GLIPR2: variants seen among roughly 807,000 people sequenced by gnomAD.
GLIPR2 encodes the protein GLI pathogenesis related 2.
GLIPR2 carries 21 observed loss-of-function variants against 20.4 expected under a neutral mutation model. That is an observed-to-expected ratio of 1.03 (90% CI 0.73 to 1.48). The LOEUF (loss-of-function observed/expected upper bound fraction) is 1.48, where lower values mean the gene tolerates loss of function less well. GLIPR2 is among the 40% of genes most tolerant of loss of function. GLIPR2 has a pLI of 0.00. For synonymous variants in GLIPR2, 91 were observed against 80.5 expected (o/e 1.13, Z -0.70); for missense variants, 205 against 200.1 (o/e 1.02, Z -0.15).
chr9:36,159,143 T>C (rs1487476601), intron 4 of GLIPR2, among the ~76,000 whole-genome samples: 2 of 152,150 alleles, frequency 1.3e-5, no homozygotes, highest in African/African-American at 4.8e-5. Context: ...GGGAGGAGAT[T>C]TGGAAGCTAA....
chr9:36,154,906 G>A (rs536981295), intron 4 of GLIPR2, among the ~76,000 whole-genome samples: 45 of 152,322 alleles, frequency 3.0e-4, no homozygotes, highest in African/African-American at 9.4e-4. Context: ...TGGGAGGGTC[G>A]ATGGCCCAAG....
At chr9:36,141,467 G>GT (rs55840524) in intron 1 of GLIPR2, among the ~76,000 whole-genome samples, 124,996 of 151,942 alleles carry the variant, frequency 0.82, 51,522 homozygotes, top group East Asian at 0.88. Context: ...GGGGGCAGGG[G>GT]GCCTGTTCAC....
At chr9:36,157,067 A>T (rs958462185) in intron 4 of GLIPR2, among the ~76,000 whole-genome samples, 1 of 151,820 alleles carries the variant, frequency 6.6e-6, no homozygotes, top group Non-Finnish European at 1.5e-5. Flanking sequence ...CCCGGGCTGG[A>T]GTGCAATGGC....
rs1298484045 is a variant in GLIPR2, at chr9:36,163,891, CTT to C, written c.*1373_*1374del. The stretch of plus-strand genomic sequence containing the variant: ...ATATTGACTAAGAAGACAATAAAAT[CTT>C]TTTCTTTGTGTAATAACCTCCTCCA... On this transcript the variant is annotated 3_prime_UTR_variant, in exon 5 of 5. Coordinates refer to ENST00000377960, the MANE Select transcript of GLIPR2 (RefSeq NM_022343.4). 1 of 152,700 alleles carries C rather than the reference CTT, an allele frequency of 6.5e-6. No individual in the cohort carries two copies. The highest frequency in any genetic ancestry group is 1.5e-5 in the Non-Finnish European group (1 of 68,048). The allele number at this position is 152,700 out of a possible 1,614,324, so 9.5% of individuals were successfully genotyped here.
In GLIPR2 at chr9:36,136,805, CTCGCCCGCTGCGGAATGGT is replaced by C. The variant is rs1824837562; in HGVS notation, c.13+18_13+36del. On this transcript the variant is annotated intron_variant, in intron 1 of 4. Transcript: ENST00000377960. The surrounding 1 kb of genome is among the most constrained non-coding windows in gnomAD (Gnocchi z 4.3). ...TGGGCAAGTCAGGTGAGCCCGCGGG[CTCGCCCGCTGCGGAATGGT>C]TCGGAACCCCGCGCTCCCGGACCTC... is the stretch of plus-strand genomic sequence containing the variant. 2 of 1,298,248 alleles carry C rather than the reference CTCGCCCGCTGCGGAATGGT, an allele frequency of 1.5e-6. No individual in the cohort carries two copies. Among genetic ancestry groups the C allele is most frequent in the African/African-American group, 3.1e-5 (2 of 64,782 alleles). The allele number at this position is 1,298,248 out of a possible 1,614,324, so 80.4% of individuals were successfully genotyped here. A position where few individuals can be genotyped will look rare whatever the true frequency, so the allele number is the denominator to read the frequency against.
intron 3 of GLIPR2, among the ~76,000 whole-genome samples, chr9:36,149,802 T>C (rs1161215700): frequency 1.3e-5 from 2 of 152,148 alleles, no homozygotes; most frequent in South Asian, 2.1e-4. Flanking sequence ...CCGAGGTGGG[T>C]GGATCACCTG....
intron 4 of GLIPR2, among the ~76,000 whole-genome samples, chr9:36,155,549 G>A (rs891488269): frequency 1.1e-4 from 17 of 152,094 alleles, no homozygotes; most frequent in Non-Finnish European, 1.8e-4. Context: ...ACATGAGATC[G>A]TGCCACTGCA....
chr9:36,145,414 C>T (rs1027099310), intron 1 of GLIPR2, among the ~76,000 whole-genome samples: 5 of 152,228 alleles, frequency 3.3e-5, no homozygotes, highest in African/African-American at 1.2e-4. Context: ...TGTCTGTTTA[C>T]AAGGCTGCCT....
intron 1 of GLIPR2, chr9:36,144,860 C>G (rs1264572281): frequency 6.6e-6 from 1 of 152,376 alleles, no homozygotes; most frequent in East Asian, 1.9e-4. Flanking sequence ...AGCCCCCAAA[C>G]CCCGCAAAGG....
At chr9:36,147,973 C>T in intron 2 of GLIPR2, 79 bp downstream of exon 2, 1 of 776,852 alleles carries the variant, frequency 1.3e-6, no homozygotes, top group Non-Finnish European at 2.4e-6. Flanking sequence ...TGTGGCCAGG[C>T]ACGATGGCTC....
At chr9:36,147,171 C>T (rs1416878369) in intron 1 of GLIPR2, among the ~76,000 whole-genome samples, 4 of 152,166 alleles carry the variant, frequency 2.6e-5, no homozygotes, top group African/African-American at 9.7e-5. Flanking sequence ...ACCTAAAACT[C>T]GCCCTCACAC....
At chr9:36,148,362 T>C (rs1487318175) in intron 2 of GLIPR2, among the ~76,000 whole-genome samples, 185 bp from the exon 3 acceptor site, 1 of 152,096 alleles carries the variant, frequency 6.6e-6, no homozygotes, top group Non-Finnish European at 1.5e-5. Context: ...TCCTTTTAGT[T>C]CCCCTGAGCC....
At chr9:36,156,813 G>A (rs1468533142) in intron 4 of GLIPR2, among the ~76,000 whole-genome samples, 3 of 152,122 alleles carry the variant, frequency 2.0e-5, no homozygotes, top group African/African-American at 4.8e-5. Context: ...GATCTGAGGT[G>A]GAACAGTTTC....
intron 1 of GLIPR2, among the ~76,000 whole-genome samples, chr9:36,146,779 G>A (rs889336710): frequency 1.3e-5 from 2 of 152,134 alleles, no homozygotes; most frequent in Non-Finnish European, 1.5e-5. Context: ...AGTGGGAGTT[G>A]GACCCCAGGG....
chr9:36,136,573 G>A (rs1357911863), upstream of GLIPR2: 6 of 361,098 alleles, frequency 1.7e-5, no homozygotes, highest in East Asian at 2.5e-4. This position sits in a 1 kb window ranked among gnomAD's most constrained non-coding sequence, Gnocchi z 4.3. Context: ...TCGCGGAGCT[G>A]CTTCCCAGGG....
At chr9:36,142,057 C>T (rs910707436) in intron 1 of GLIPR2, among the ~76,000 whole-genome samples, 48 of 152,164 alleles carry the variant, frequency 3.2e-4, no homozygotes, top group Admixed American at 3.0e-3. Flanking sequence ...CTGCACTCTG[C>T]AGTCCCTGAT....
At position 36,158,763 on chromosome 9, in the gene GLIPR2, C is replaced by T. The variant is rs564621327; in HGVS notation, c.305-3599C>T. 2.0e-5 allele frequency among the ~76,000 whole-genome samples: 3 copies of T among 152,160 alleles called. No individual in the cohort carries two copies. The South Asian group carries it at 6.2e-4, about 31-fold the overall frequency. On this transcript the variant is annotated intron_variant, in intron 4 of 4. Coordinates refer to ENST00000377960, the MANE Select transcript of GLIPR2 (RefSeq NM_022343.4). ...GAAGGGATGAACATCTGCCTCTACT[C>T]CCCAAGAAATAAGAATTTAGGCCAG...
chr9:36,147,652 C>T, intron 1 of GLIPR2, 134 bp from the exon 2 acceptor site: 1 of 673,324 alleles, frequency 1.5e-6, no homozygotes. Flanking sequence ...GCTGGGGTGC[C>T]AGGTGTTGGA....
At chr9:36,152,587 T>TA (rs1388983846) in intron 4 of GLIPR2, among the ~76,000 whole-genome samples, 3 of 151,240 alleles carry the variant, frequency 2.0e-5, no homozygotes, top group Admixed American at 2.0e-4. Flanking sequence ...CCGTCTCTAC[T>TA]AAAAATACAA....
Sources: allele counts gnomAD v4.1 joint callset (sites outside exome capture counted in the v4.1 genomes callset), GRCh38; gene constraint gnomAD v4.1.1; non-coding constraint Gnocchi (gnomAD v3.1); transcripts MANE v1.5; gene names NCBI Gene and HGNC (gene_info 2026-07-23, HGNC 2026-07-21).